SDK1: variants seen among roughly 807,000 people sequenced by gnomAD.
SDK1 encodes sidekick cell adhesion molecule 1.
SDK1 carries 157 observed loss-of-function variants against 245.5 expected under a neutral mutation model. That is an observed-to-expected ratio of 0.64 (90% CI 0.56 to 0.73). The LOEUF (loss-of-function observed/expected upper bound fraction) is 0.73, where lower values mean the gene tolerates loss of function less well. SDK1 is among the 30% of genes least tolerant of loss of function. The pLI, the probability that SDK1 is intolerant of heterozygous loss-of-function variation, is 0.00. For missense variants in SDK1, 3,583 were observed against 3,002.3 expected (o/e 1.19, Z -4.52); for synonymous variants, 1,647 against 1,278.5 (o/e 1.29, Z -6.15).
chr7:4,233,262 C>G lies in SDK1; in HGVS notation c.5835C>G (p.Gly1945=), dbSNP rs1328960073. The stretch of plus-strand genomic sequence containing the variant: ...TCCCCATCCCTCTTGCAGATGAAGG[C>G]TTATGGGACATGTTTGTGAAGGACA... ...YVIEARPSDE[G]LWDMFVKDIP... is the part of the protein sequence containing the mutation. The change falls in exon 41 of 45, where the codon GGC becomes GGG. Residue 1945 remains glycine, a synonymous_variant. Coordinates refer to ENST00000404826, the MANE Select transcript of SDK1 (RefSeq NM_152744.4). The G allele has an allele frequency of 6.2e-7, 1 of 1,613,448 alleles. No individual in the cohort carries two copies. Among genetic ancestry groups the G allele is most frequent in the Admixed American group, 1.7e-5 (1 of 60,020 alleles).
rs542364656 is a variant in SDK1, at chr7:4,143,094, TG to T, written c.4229-2623del. Among the ~76,000 whole-genome samples the T allele has an allele frequency of 2.5e-3, 381 of 152,182 alleles. 1 individual carries two copies. Among genetic ancestry groups the T allele is most frequent in the Middle Eastern group, 6.8e-3 (2 of 294 alleles). ...TTAACTCAATCAGGCATTGCAAAGT[TG>T]GGGGTGTCACTCCTCAGGGCTGGGC... On this transcript the variant is annotated intron_variant, in intron 28 of 44. Coordinates refer to ENST00000404826, the MANE Select transcript of SDK1 (RefSeq NM_152744.4).
intron 32 of SDK1, among the ~76,000 whole-genome samples, chr7:4,162,855 A>G (rs1224873859): frequency 1.3e-5 from 2 of 152,238 alleles, no homozygotes; most frequent in South Asian, 2.1e-4. Context: ...ATTTTGGGCA[A>G]TGCTTACTGA....
intron 1 of SDK1, among the ~76,000 whole-genome samples, chr7:3,359,043 C>T (rs1485654477): frequency 6.6e-6 from 1 of 152,124 alleles, no homozygotes. Flanking sequence ...TTGTTTTTGG[C>T]ATTTTCCTCA....
At chr7:3,655,716 T>TC (rs1783162098) in intron 4 of SDK1, among the ~76,000 whole-genome samples, 1 of 151,692 alleles carries the variant, frequency 6.6e-6, no homozygotes, top group Admixed American at 6.6e-5. Context: ...GATAAGTGTT[T>TC]CTTGGATGAA....
intron 1 of SDK1, among the ~76,000 whole-genome samples, chr7:3,618,077 C>G (rs575013635): frequency 1.5e-4 from 23 of 152,162 alleles, no homozygotes; most frequent in Admixed American, 1.4e-3. Context: ...GAAACAAAAA[C>G]CTGTAAGTCC....
At chr7:3,587,128 C>G (rs17824994) in intron 1 of SDK1, among the ~76,000 whole-genome samples, 19,160 of 152,076 alleles carry the variant, frequency 0.13, 1,274 homozygotes, top group Middle Eastern at 0.24. Context: ...GAAACAATGG[C>G]TAAGTCCTAA....
intron 4 of SDK1, among the ~76,000 whole-genome samples, chr7:3,747,597 AAT>A (rs1779661815): frequency 6.6e-6 from 1 of 152,224 alleles, no homozygotes; most frequent in Admixed American, 6.5e-5. Flanking sequence ...ACAAGCATTA[AAT>A]AAATCATGGG....
rs529233008 is a variant in SDK1 at position 4,171,909 on chromosome 7, G to A, written c.4801-2313G>A. ...TGTGGGGCATTGACAAGCACACCGT[G>A]GGGGGAACACAGGGGACTCAGACGC... On this transcript the variant is annotated intron_variant, in intron 32 of 44. Coordinates refer to ENST00000404826, the MANE Select transcript of SDK1 (RefSeq NM_152744.4). Among the ~76,000 whole-genome samples, 12 of 152,294 alleles carry A rather than the reference G, an allele frequency of 7.9e-5. 1 individual carries two copies. In the South Asian group the frequency reaches 2.5e-3, roughly 32 times the overall value.
intron 1 of SDK1, among the ~76,000 whole-genome samples, chr7:3,617,318 T>G (rs1458151863): frequency 6.6e-6 from 1 of 152,242 alleles, no homozygotes; most frequent in African/African-American, 2.4e-5. Flanking sequence ...ACTAATGTAC[T>G]GTAGAGTAAC....
intron 1 of SDK1, chr7:3,338,451 G>A (rs895471800): frequency 2.1e-5 from 11 of 520,468 alleles, no homozygotes; most frequent in East Asian, 1.0e-4. Context: ...AACATGTGAA[G>A]GAAAATGATC....
intron 5 of SDK1, 125 bp from the exon 6 acceptor site, chr7:3,950,798 T>C: frequency 1.5e-6 from 1 of 664,960 alleles, no homozygotes; most frequent in South Asian, 1.8e-5. Context: ...TTTGTGTCTG[T>C]AGGGATTGGT....
intron 1 of SDK1, among the ~76,000 whole-genome samples, chr7:3,365,349 A>T (rs553772182): frequency 3.9e-5 from 6 of 152,268 alleles, no homozygotes; most frequent in Middle Eastern, 3.4e-3. Context: ...TTTAGGGGAG[A>T]ATAATTTGAA....
chr7:3,776,117 A>G (rs1780552910), intron 4 of SDK1, among the ~76,000 whole-genome samples: 1 of 152,228 alleles, frequency 6.6e-6, no homozygotes, highest in South Asian at 2.1e-4. Context: ...CAACTCATGT[A>G]TGCTGTGTGA....
intron 44 of SDK1, among the ~76,000 whole-genome samples, chr7:4,260,478 A>G (rs1320272410): frequency 3.1e-4 from 36 of 117,968 alleles, no homozygotes; most frequent in South Asian, 9.6e-4. Flanking sequence ...GTGTGTGGGA[A>G]GATGTGTTCA....
At chr7:3,717,711 A>C (rs1193956174) in intron 4 of SDK1, among the ~76,000 whole-genome samples, 1 of 152,170 alleles carries the variant, frequency 6.6e-6, no homozygotes, top group Non-Finnish European at 1.5e-5. Context: ...AGTGCCAAAA[A>C]CTCAACCTAT....
At chr7:3,655,477 A>ATATATATG (rs1783144423) in intron 4 of SDK1, among the ~76,000 whole-genome samples, 3 of 88,200 alleles carry the variant, frequency 3.4e-5, no homozygotes, top group African/African-American at 1.5e-4. Flanking sequence ...ATATATATAT[A>ATATATATG]TATATATATA....
At chr7:3,995,037 C>T (rs1048406858) in intron 14 of SDK1, among the ~76,000 whole-genome samples, 2 of 152,184 alleles carry the variant, frequency 1.3e-5, no homozygotes, top group Admixed American at 6.5e-5. Context: ...CTACTTCTTC[C>T]GTATAGAGGT....
intron 4 of SDK1, among the ~76,000 whole-genome samples, chr7:3,802,800 T>C (rs1050301644): frequency 6.6e-6 from 1 of 152,216 alleles, no homozygotes; most frequent in African/African-American, 2.4e-5. Context: ...TTGTTTCTTT[T>C]TATTGTGATG....
At chr7:4,189,501 C>A (rs17134481) in intron 35 of SDK1, among the ~76,000 whole-genome samples, 1 of 152,094 alleles carries the variant, frequency 6.6e-6, no homozygotes, top group Non-Finnish European at 1.5e-5. Context: ...GGCCTTTAGC[C>A]CCGCAACTTT....
Sources: gnomAD v4.1 joint callset for allele counts (sites outside exome capture counted in the v4.1 genomes callset) on GRCh38, gnomAD v4.1.1 for gene constraint, MANE v1.5 for transcripts, NCBI Gene and HGNC (gene_info 2026-07-23, HGNC 2026-07-21) for gene names.